Variants in EML6 observed in about 807,000 individuals in gnomAD.
EML6 encodes echinoderm microtubule-associated protein-like 6.
In EML6, 154 loss-of-function variants were observed where a neutral mutation model predicts 240.1. The observed-to-expected ratio is 0.64, with a 90% CI of 0.56 to 0.73. The LOEUF is 0.73. Ranked by LOEUF, EML6 falls within the 30% of genes least tolerant of loss-of-function variation. The pLI is 0.00. For missense variants in EML6, 2,964 were observed against 2,474.6 expected (o/e 1.20, Z -4.20); for synonymous variants, 1,148 against 899.0 (o/e 1.28, Z -4.95).
chr2:54,849,885 T>A, intron 9 of EML6, 77 bp from the exon 10 acceptor site: 1 of 1,202,514 alleles, frequency 8.3e-7, no homozygotes, highest in Non-Finnish European at 1.2e-6. Context: ...CACTTCTTTT[T>A]CTGACACATA....
At chr2:54,833,104 C>A (rs1005490891) in intron 7 of EML6, among the ~76,000 whole-genome samples, 7 of 152,118 alleles carry the variant, frequency 4.6e-5, no homozygotes, top group Non-Finnish European at 1.0e-4. Flanking sequence ...GGCCCAGTTC[C>A]CATGACATGG....
intron 28 of EML6, among the ~76,000 whole-genome samples, chr2:54,948,093 C>T (rs1675777139): frequency 6.6e-6 from 1 of 152,142 alleles, no homozygotes; most frequent in Non-Finnish European, 1.5e-5. Flanking sequence ...ACAGTTCTTT[C>T]TCGACCCATC....
At chr2:54,769,825 G>T (rs373133845) in intron 2 of EML6, among the ~76,000 whole-genome samples, 2 of 152,156 alleles carry the variant, frequency 1.3e-5, no homozygotes, top group East Asian at 3.8e-4. Context: ...CAGTAGATCC[G>T]TAGGACTTGT....
Position 54,903,390 on chromosome 2 carries a change from C to T in EML6, c.3297C>T (p.Ala1099=), listed in dbSNP as rs768317788. ...TAACAGATACGGGAAAATACCTTGCCGTGGCATCCCATGATAACTTTGTGG... is the reference window on the plus strand; with the variant it reads ...TAACAGATACGGGAAAATACCTTGCTGTGGCATCCCATGATAACTTTGTGG... ...KFSKDTGKYL[A]VASHDNFVDI... is the part of the protein sequence containing the mutation. The change falls in exon 24 of 42, where the codon GCC becomes GCT. Residue 1099 remains alanine (A), a synonymous_variant. Coordinates refer to ENST00000356458, the MANE Select transcript of EML6 (RefSeq NM_001039753.4). 1.9e-5 allele frequency: 29 copies of T among 1,551,456 alleles called. No homozygotes were observed. In the East Asian group the frequency reaches 3.7e-4, roughly 20 times the overall value.
intron 24 of EML6, among the ~76,000 whole-genome samples, chr2:54,906,671 T>C (rs1368474125): frequency 6.6e-6 from 1 of 152,290 alleles, no homozygotes; most frequent in Non-Finnish European, 1.5e-5. Context: ...TTCTGATTTT[T>C]AGGGAGGAAT....
intron 18 of EML6, among the ~76,000 whole-genome samples, chr2:54,891,729 T>A (rs1672478446): frequency 6.6e-6 from 1 of 152,200 alleles, no homozygotes; most frequent in East Asian, 1.9e-4. Context: ...CCTAACTTAT[T>A]ATGCACAAAA....
At chr2:54,771,138 C>G (rs1304690170) in intron 2 of EML6, among the ~76,000 whole-genome samples, 1 of 152,064 alleles carries the variant, frequency 6.6e-6, no homozygotes, top group East Asian at 1.9e-4. Flanking sequence ...GTCATCCAGC[C>G]TATGTAATTT....
intron 10 of EML6, 82 bp downstream of exon 10, chr2:54,850,300 C>G (rs928478029): frequency 7.8e-7 from 1 of 1,286,608 alleles, no homozygotes; most frequent in Non-Finnish European, 1.1e-6. Flanking sequence ...AGTGTCATGG[C>G]TCTTTTAGAA....
At position 54,944,768 on chromosome 2, in the gene EML6, A is replaced by G. The variant is rs1573193317; in HGVS notation, c.4005-4114A>G. On this transcript the variant is annotated intron_variant, in intron 28 of 41. Transcript: ENST00000356458. ...CCTTTCCATCACCCCATCACTAAGTATCTCTGTACATGATTCTGGAAGACA... is the reference window on the plus strand; with the variant it reads ...CCTTTCCATCACCCCATCACTAAGTGTCTCTGTACATGATTCTGGAAGACA... 2.0e-5 allele frequency among the ~76,000 whole-genome samples: 3 copies of G among 152,098 alleles called. No homozygotes were observed. The East Asian group carries it at 5.8e-4, about 29-fold the overall frequency.
chr2:54,830,511 C>G (rs920847923), intron 7 of EML6, among the ~76,000 whole-genome samples: 2 of 152,170 alleles, frequency 1.3e-5, no homozygotes, highest in Non-Finnish European at 2.9e-5. Context: ...AGGCCTGAAA[C>G]GAGTTGTTTC....
chr2:54,890,996 TAA>T, intron 17 of EML6, 56 bp from the exon 18 acceptor site: 1 of 825,646 alleles, frequency 1.2e-6, no homozygotes. Flanking sequence ...ATGCTTTTAA[TAA>T]AACTGTTACT....
At chr2:54,739,562 G>A (rs1363686517) in intron 2 of EML6, among the ~76,000 whole-genome samples, 2 of 152,244 alleles carry the variant, frequency 1.3e-5, no homozygotes, top group Non-Finnish European at 2.9e-5. Flanking sequence ...GTCATACCCT[G>A]TGTGAGGCGC....
chr2:54,913,696 A>G (rs1673760539), intron 25 of EML6, among the ~76,000 whole-genome samples: 1 of 152,094 alleles, frequency 6.6e-6, no homozygotes, highest in Non-Finnish European at 1.5e-5. Flanking sequence ...TTTTTGTTAC[A>G]ATTGCTTTTG....
At chr2:54,832,795 C>G (rs1668947402) in intron 7 of EML6, among the ~76,000 whole-genome samples, 1 of 151,820 alleles carries the variant, frequency 6.6e-6, no homozygotes, top group Non-Finnish European at 1.5e-5. Flanking sequence ...GCCTTCTGCT[C>G]CACCTCTCTT....
At chr2:54,955,972 G>C (rs1443835253) in intron 32 of EML6, among the ~76,000 whole-genome samples, 1 of 152,136 alleles carries the variant, frequency 6.6e-6, no homozygotes, top group Non-Finnish European at 1.5e-5. Context: ...TATCACTAGA[G>C]AGCCTATTAT....
At chr2:54,863,018 A>C (rs1056716172) in intron 12 of EML6, among the ~76,000 whole-genome samples, 1 of 152,330 alleles carries the variant, frequency 6.6e-6, no homozygotes, top group East Asian at 1.9e-4. Flanking sequence ...GTTGGGGCCT[A>C]TGTGTTCCAA....
intron 29 of EML6, among the ~76,000 whole-genome samples, chr2:54,950,164 A>C (rs1314877510): frequency 6.6e-6 from 1 of 152,188 alleles, no homozygotes; most frequent in Admixed American, 6.5e-5. Context: ...AAAAATGGCA[A>C]ATATGTAGCA....
chr2:54,876,395 G>T (rs1401898319), intron 16 of EML6, among the ~76,000 whole-genome samples: 1 of 152,134 alleles, frequency 6.6e-6, no homozygotes, highest in Non-Finnish European at 1.5e-5. Flanking sequence ...TGCTTCCATT[G>T]CTACCCACAA....
intron 5 of EML6, 73 bp from the exon 6 acceptor site, chr2:54,827,493 A>G: frequency 8.2e-7 from 1 of 1,223,862 alleles, no homozygotes; most frequent in Non-Finnish European, 1.2e-6. Context: ...AATGCACTGA[A>G]GTATAAATAA....
Sources: gnomAD v4.1 joint callset for allele counts (sites outside exome capture counted in the v4.1 genomes callset) on GRCh38, gnomAD v4.1.1 for gene constraint, MANE v1.5 for transcripts, NCBI Gene and HGNC (gene_info 2026-07-23, HGNC 2026-07-21) for gene names.